IL34: variants seen among roughly 807,000 people sequenced by gnomAD.
IL34 encodes interleukin 34, also known as interleukin-34.
Under a neutral mutation model 25.3 loss-of-function variants are expected in IL34, and 17 were observed. That is an observed-to-expected ratio of 0.67 (90% CI 0.46 to 1.01). IL34 has a LOEUF of 1.01. IL34 is among the 50% of genes least tolerant of loss of function. The pLI is 0.00. For missense variants in IL34, 368 were observed against 312.9 expected (o/e 1.18, Z -1.33); for synonymous variants, 174 against 140.9 (o/e 1.23, Z -1.66).
chr16:70,613,771 A>G (rs2051129025), intron 1 of IL34, among the ~76,000 whole-genome samples: 1 of 151,808 alleles, frequency 6.6e-6, no homozygotes, highest in East Asian at 1.9e-4. Flanking sequence ...CTACTTGGGA[A>G]GCTGAGGCAG....
intron 1 of IL34, among the ~76,000 whole-genome samples, chr16:70,647,297 G>A (rs1469811426): frequency 3.3e-5 from 5 of 152,146 alleles, no homozygotes; most frequent in Admixed American, 6.5e-5. Flanking sequence ...AGCCCCGGGC[G>A]GGCAGCAGCG....
chr16:70,630,794 A>G (rs891400581), intron 1 of IL34, among the ~76,000 whole-genome samples: 5 of 151,936 alleles, frequency 3.3e-5, no homozygotes, highest in African/African-American at 9.7e-5. Context: ...GCTGGCCTCA[A>G]ACTCCTGGGT....
At chr16:70,583,749 G>A (rs956037231) in intron 1 of IL34, among the ~76,000 whole-genome samples, 1 of 151,362 alleles carries the variant, frequency 6.6e-6, no homozygotes, top group Non-Finnish European at 1.5e-5. Context: ...GCCTCTTGGG[G>A]TCAATGATTT....
At chr16:70,613,898 C>T (rs1445234297) in intron 1 of IL34, among the ~76,000 whole-genome samples, 1 of 150,958 alleles carries the variant, frequency 6.6e-6, no homozygotes, top group Non-Finnish European at 1.5e-5. Context: ...GAAAGAAATG[C>T]AGAGTCCAGC....
chr16:70,631,840 C>T (rs1019629485), intron 1 of IL34, among the ~76,000 whole-genome samples: 2 of 152,066 alleles, frequency 1.3e-5, no homozygotes, highest in Admixed American at 1.3e-4. Flanking sequence ...TCTGGTCCTT[C>T]ATTTCCTCAT....
At chr16:70,634,776 C>T (rs1206634022) in intron 1 of IL34, among the ~76,000 whole-genome samples, 1 of 152,082 alleles carries the variant, frequency 6.6e-6, no homozygotes, top group African/African-American at 2.4e-5. Context: ...GTTCTGATAC[C>T]TATCACCATA....
intron 4 of IL34, among the ~76,000 whole-genome samples, chr16:70,659,228 C>T (rs773730816): frequency 4.6e-5 from 7 of 152,186 alleles, no homozygotes; most frequent in Non-Finnish European, 1.0e-4. Context: ...TCTGTGAGGA[C>T]CTTCTCTTGT....
intron 1 of IL34, among the ~76,000 whole-genome samples, chr16:70,621,656 G>C (rs151227993): frequency 0.01 from 1,576 of 152,236 alleles, 34 homozygotes; most frequent in African/African-American, 0.036. Context: ...CTTTGTGTGA[G>C]CAACATGGCT....
intron 1 of IL34, among the ~76,000 whole-genome samples, chr16:70,620,099 T>C (rs1468595623): frequency 6.6e-6 from 1 of 152,196 alleles, no homozygotes; most frequent in African/African-American, 2.4e-5. Flanking sequence ...TAAATCCTGT[T>C]GTGGGGTTTC....
intron 1 of IL34, among the ~76,000 whole-genome samples, chr16:70,583,863 G>A (rs1412733324): frequency 1.3e-5 from 2 of 152,232 alleles, no homozygotes; most frequent in East Asian, 3.9e-4. Flanking sequence ...TGTTGGCCAG[G>A]CTGATCTCAA....
At position 70,660,152 on chromosome 16, in the gene IL34, CCGGTCAGGG is replaced by C; in HGVS notation, c.696_704del (p.Val233_Ala235del). The C allele has an allele frequency of 6.2e-7, 1 of 1,606,704 alleles. No individual in the cohort carries two copies. ...GCCTCACTCCACGGGCTCGGTGAGGCCGGTCAGGGCACAGGGCGAGGGCCTCTTGCCCTG... is the reference window on the plus strand; with the variant it reads ...GCCTCACTCCACGGGCTCGGTGAGGCCACAGGGCGAGGGCCTCTTGCCCTG... On this transcript the variant is annotated inframe_deletion, in exon 6 of 6. Coordinates refer to ENST00000288098, the MANE Select transcript of IL34 (RefSeq NM_001393494.1).
chr16:70,606,361 G>A (rs1249093208), intron 1 of IL34, among the ~76,000 whole-genome samples: 3 of 152,040 alleles, frequency 2.0e-5, no homozygotes, highest in Non-Finnish European at 4.4e-5. Context: ...TCGCACCACT[G>A]CACTCCAGCC....
chr16:70,606,780 G>A (rs1439623764), intron 1 of IL34, among the ~76,000 whole-genome samples: 2 of 152,052 alleles, frequency 1.3e-5, no homozygotes, highest in African/African-American at 2.4e-5. Context: ...TAGAGGCAAG[G>A]TCTCACTATG....
At chr16:70,598,046 A>C (rs1440161216) in intron 1 of IL34, among the ~76,000 whole-genome samples, 1 of 152,146 alleles carries the variant, frequency 6.6e-6, no homozygotes, top group Admixed American at 6.6e-5. Flanking sequence ...GGGTTTCGCC[A>C]TGTTGGCCAG....
chr16:70,611,368 G>A lies in IL34; in HGVS notation c.-401+31319G>A, dbSNP rs113752127. On this transcript the variant is annotated intron_variant, in intron 1 of 6. Coordinates refer to the IL34 transcript ENST00000429149. The stretch of plus-strand genomic sequence containing the variant: ...ACGGCAGATTTGTGTCCTTCTCCCC[G>A]CCACCTTGCTGGAGATACCTGGGAG... Among the ~76,000 whole-genome samples the A allele has an allele frequency of 8.0e-4, 122 of 152,194 alleles. 2 individuals are homozygous for A. Among genetic ancestry groups the A allele is most frequent in the African/African-American group, 2.7e-3 (112 of 41,524 alleles).
At chr16:70,632,119 A>G (rs2051533248) in intron 1 of IL34, among the ~76,000 whole-genome samples, 1 of 139,768 alleles carries the variant, frequency 7.2e-6, no homozygotes, top group African/African-American at 2.8e-5. Flanking sequence ...AAAAAAAAAA[A>G]GAGAAGATAA....
chr16:70,599,328 TCTC>T (rs1412664748), intron 1 of IL34, among the ~76,000 whole-genome samples: 6 of 149,898 alleles, frequency 4.0e-5, no homozygotes, highest in African/African-American at 9.9e-5. Context: ...TTTCTTTCTT[TCTC>T]TCTTTCTTTC....
At chr16:70,599,380 TTCTC>T (rs1191863385) in intron 1 of IL34, among the ~76,000 whole-genome samples, 3 of 151,526 alleles carry the variant, frequency 2.0e-5, no homozygotes, top group Admixed American at 6.6e-5. Context: ...TCTTTCTTCT[TTCTC>T]TCTCTCTTTC....
At position 70,608,568 on chromosome 16, in the gene IL34, G is replaced by T. The variant is rs145875844; in HGVS notation, c.-401+28519G>T. 1.5e-4 allele frequency among the ~76,000 whole-genome samples: 23 copies of T among 152,330 alleles called. No individual in the cohort carries two copies. The Middle Eastern group carries it at 0.01, about 68-fold the overall frequency. ...AACCCAGTTTTGGGCCTGGTCATCTGGTAGAGGGAGGGAGGAGGCACAGAT... is the reference window on the plus strand; with the variant it reads ...AACCCAGTTTTGGGCCTGGTCATCTTGTAGAGGGAGGGAGGAGGCACAGAT... On this transcript the variant is annotated intron_variant, in intron 1 of 6. Coordinates refer to the IL34 transcript ENST00000429149.
Sources: allele counts gnomAD v4.1 joint callset (sites outside exome capture counted in the v4.1 genomes callset), GRCh38; gene constraint gnomAD v4.1.1; transcripts MANE v1.5; gene names NCBI Gene and HGNC (gene_info 2026-07-23, HGNC 2026-07-21).